Variants in NTNG1 observed in about 807,000 individuals in gnomAD.
The protein encoded by NTNG1 is netrin G1, also known as netrin-G1.
Under a neutral mutation model 54.0 loss-of-function variants are expected in NTNG1, and 16 were observed. The observed-to-expected ratio is 0.30, with a 90% confidence interval of 0.20 to 0.45. The LOEUF is 0.45. Ranked by LOEUF, NTNG1 falls within the 20% of genes least tolerant of loss-of-function variation. NTNG1 has a pLI of 1.00. For missense variants in NTNG1, 530 were observed against 678.7 expected (o/e 0.78, Z 2.43); for synonymous variants, 255 against 263.1 (o/e 0.97, Z 0.30).
In NTNG1 at chr1:107,482,387, GTTTGT is replaced by G. The variant is rs1483233452; in HGVS notation, c.*1551_*1555del. On this transcript the variant is annotated 3_prime_UTR_variant, in exon 8 of 8. Transcript: ENST00000370068. ...CATAACTGCTGTTCCTGAGAATAAAGTTTGTTTTAAGTGCTGCCCAAGGTGTAATA... is the reference window on the plus strand; with the variant it reads ...CATAACTGCTGTTCCTGAGAATAAAGTTTAAGTGCTGCCCAAGGTGTAATA... 2.6e-5 allele frequency: 4 copies of G among 152,318 alleles called. No homozygotes were observed. Among genetic ancestry groups the G allele is most frequent in the Admixed American group, 1.3e-4 (2 of 15,308 alleles). 9.4% of individuals were successfully genotyped at this position (152,318 alleles called of 1,614,324 possible).
intron 4 of NTNG1, among the ~76,000 whole-genome samples, chr1:107,398,150 T>C (rs1672800149): frequency 6.6e-6 from 1 of 152,176 alleles, no homozygotes; most frequent in African/African-American, 2.4e-5. Flanking sequence ...ATCTCTAGAT[T>C]TAGCAGAATA....
At chr1:107,297,803 T>C (rs548930496) in intron 2 of NTNG1, among the ~76,000 whole-genome samples, 263 of 152,238 alleles carry the variant, frequency 1.7e-3, no homozygotes, top group African/African-American at 6.2e-3. Context: ...GGGACATAAA[T>C]CTGATCTATT....
At chr1:107,249,176 A>G (rs115739532) in intron 2 of NTNG1, among the ~76,000 whole-genome samples, 6,066 of 150,052 alleles carry the variant, frequency 0.04, 141 homozygotes, top group Non-Finnish European at 0.052. Context: ...AATAATAATA[A>G]TAATAATTTA....
intron 2 of NTNG1, among the ~76,000 whole-genome samples, chr1:107,203,115 T>C (rs1202402404): frequency 6.6e-6 from 1 of 151,994 alleles, no homozygotes; most frequent in Non-Finnish European, 1.5e-5. Context: ...ATTTTAATTC[T>C]ACTTTTAAAA....
chr1:107,198,169 G>T (rs1346891479), intron 2 of NTNG1, among the ~76,000 whole-genome samples: 1 of 151,946 alleles, frequency 6.6e-6, no homozygotes, highest in Non-Finnish European at 1.5e-5. Flanking sequence ...TAACGGTGTT[G>T]GAAAAGAATG....
chr1:107,226,458 A>G (rs972915347), intron 2 of NTNG1, among the ~76,000 whole-genome samples: 9 of 152,124 alleles, frequency 5.9e-5, no homozygotes, highest in African/African-American at 2.2e-4. Context: ...TAGTTTTATT[A>G]GGAATAAAAC....
At position 107,246,845 on chromosome 1, in the gene NTNG1, T is replaced by C. The variant is rs78387730; in HGVS notation, c.247-77437T>C. ...TTATTTATATAGTAAATCTAATTTT[T>C]CATGATATACAACACCCATATGTAA... On this transcript the variant is annotated intron_variant, in intron 2 of 7. Transcript: ENST00000370068. 1.2e-4 allele frequency among the ~76,000 whole-genome samples: 18 copies of C among 152,336 alleles called. No individual in the cohort carries two copies. In the East Asian group the frequency reaches 3.5e-3, roughly 29 times the overall value.
At chr1:107,463,962 A>G (rs1677438933) in intron 7 of NTNG1, among the ~76,000 whole-genome samples, 2 of 152,210 alleles carry the variant, frequency 1.3e-5, no homozygotes, top group Non-Finnish European at 2.9e-5. Flanking sequence ...CCTAGACTAT[A>G]TAAAAAGGAG....
chr1:107,381,526 G>A (rs900512233), intron 3 of NTNG1, among the ~76,000 whole-genome samples: 42 of 152,144 alleles, frequency 2.8e-4, no homozygotes, highest in African/African-American at 9.9e-4. Flanking sequence ...AACTCTGGTT[G>A]ATCCAGATCA....
At chr1:107,218,691 C>T (rs1660134658) in intron 2 of NTNG1, among the ~76,000 whole-genome samples, 1 of 152,124 alleles carries the variant, frequency 6.6e-6, no homozygotes, top group Non-Finnish European at 1.5e-5. Flanking sequence ...CTGTAAAAGA[C>T]TATCTTTCCT....
chr1:107,199,547 C>T (rs1658581319), intron 2 of NTNG1, among the ~76,000 whole-genome samples: 2 of 151,816 alleles, frequency 1.3e-5, no homozygotes, highest in Admixed American at 1.3e-4. Context: ...AAAATTCATC[C>T]ATTCAACAAA....
chr1:107,171,036 G>T (rs1348593300), intron 2 of NTNG1, among the ~76,000 whole-genome samples: 2 of 152,012 alleles, frequency 1.3e-5, no homozygotes, highest in Non-Finnish European at 1.5e-5. Context: ...TTAGTATGTG[G>T]TAAAATCAGA....
At chr1:107,179,147 A>G (rs1296829270) in intron 2 of NTNG1, among the ~76,000 whole-genome samples, 1 of 152,170 alleles carries the variant, frequency 6.6e-6, no homozygotes, top group East Asian at 1.9e-4. Flanking sequence ...TAGGAACAAT[A>G]AGACAATGTA....
chr1:107,452,151 C>G (rs185987668), intron 7 of NTNG1, among the ~76,000 whole-genome samples: 1 of 152,264 alleles, frequency 6.6e-6, no homozygotes, highest in East Asian at 1.9e-4. Flanking sequence ...AGCACAACAT[C>G]TGCAGTAAAA....
intron 2 of NTNG1, among the ~76,000 whole-genome samples, chr1:107,155,385 A>G (rs6657710): frequency 0.13 from 19,150 of 151,898 alleles, 1,360 homozygotes; most frequent in South Asian, 0.16. Context: ...TTCAGGTCAT[A>G]TCATTCTCTT....
At chr1:107,150,958 T>C (rs61800175) in intron 2 of NTNG1, among the ~76,000 whole-genome samples, 17,173 of 152,216 alleles carry the variant, frequency 0.11, 1,260 homozygotes, top group South Asian at 0.16. Context: ...GTGTATACTA[T>C]GTATGTTCAC....
chr1:107,393,592 A>G (rs1345030435), intron 3 of NTNG1, among the ~76,000 whole-genome samples: 1 of 152,074 alleles, frequency 6.6e-6, no homozygotes, highest in Non-Finnish European at 1.5e-5. Flanking sequence ...TGTAGCAAGA[A>G]GTATTAAACA....
chr1:107,270,650 G>C (rs1664078889), intron 2 of NTNG1, among the ~76,000 whole-genome samples: 1 of 151,768 alleles, frequency 6.6e-6, no homozygotes, highest in Non-Finnish European at 1.5e-5. Context: ...TAAACTTTTT[G>C]TTCACTTTCT....
intron 3 of NTNG1, among the ~76,000 whole-genome samples, chr1:107,387,169 G>T (rs1318733317): frequency 3.9e-5 from 6 of 152,138 alleles, no homozygotes; most frequent in Non-Finnish European, 8.8e-5. Context: ...AACAGTAAGT[G>T]CAACCCATTT....
Sources: gnomAD v4.1 joint callset for allele counts (sites outside exome capture counted in the v4.1 genomes callset) on GRCh38, gnomAD v4.1.1 for gene constraint, MANE v1.5 for transcripts, NCBI Gene and HGNC (gene_info 2026-07-23, HGNC 2026-07-21) for gene names.